The following CALCR variants were observed in gnomAD, a reference collection of about 807,000 sequenced individuals.
CALCR encodes the protein calcitonin receptor.
In CALCR, 47 loss-of-function variants were observed where a neutral mutation model predicts 59.5. The observed-to-expected ratio is 0.79, with a 90% CI of 0.63 to 1.01. CALCR has a LOEUF of 1.01. Among genes scored for constraint, CALCR ranks in the 50% least tolerant of loss-of-function variants. CALCR has a pLI of 0.00. For synonymous variants in CALCR, 213 were observed against 211.3 expected, an observed-to-expected ratio of 1.01 and a Z score of -0.07; for missense variants, 566 against 597.1, an observed-to-expected ratio of 0.95 and a Z score of 0.54.
intron 2 of CALCR, among the ~76,000 whole-genome samples, chr7:93,549,534 A>C (rs1789392570): frequency 6.6e-6 from 1 of 152,172 alleles, no homozygotes; most frequent in Non-Finnish European, 1.5e-5. Context: ...CTAAGAGATG[A>C]AGTTAATCAT....
intron 2 of CALCR, among the ~76,000 whole-genome samples, chr7:93,572,864 A>G (rs1173557593): frequency 2.0e-5 from 3 of 152,142 alleles, no homozygotes; most frequent in Non-Finnish European, 4.4e-5. Context: ...TTGTTTACTT[A>G]TTGTGTTGAT....
chr7:93,512,574 A>G (rs888595582), intron 2 of CALCR, among the ~76,000 whole-genome samples: 4 of 152,194 alleles, frequency 2.6e-5, no homozygotes, highest in Non-Finnish European at 5.9e-5. Flanking sequence ...CAACCATTTG[A>G]AGAGTATAAA....
chr7:93,486,035 C>T (rs180992884), intron 3 of CALCR, among the ~76,000 whole-genome samples: 5 of 151,664 alleles, frequency 3.3e-5, no homozygotes, highest in Admixed American at 2.0e-4. Context: ...AGGCCTATAA[C>T]TACACATTAA....
At chr7:93,458,017 A>C (rs1800243461) in intron 8 of CALCR, among the ~76,000 whole-genome samples, 1 of 152,136 alleles carries the variant, frequency 6.6e-6, no homozygotes, top group African/African-American at 2.4e-5. Flanking sequence ...AATTCCATCC[A>C]TTGCTCGGAT....
rs138332172 is a variant in CALCR at position 93,426,520 on chromosome 7, G to A, written c.1261C>T (p.Pro421Ser). 1.4e-5 allele frequency: 23 copies of A among 1,613,622 alleles called. No homozygotes were observed. The highest frequency in any genetic ancestry group is 1.9e-5 in the Non-Finnish European group (23 of 1,179,662). Residue 421 changes from proline (P) to serine (S), a missense_variant, in exon 14 of 14, where the codon CCC (proline) becomes TCC (serine). Transcript: ENST00000426151. ...GCAGCGCGAGCAGAGCGGTTGGAGGGGCGCCTCCCCCAACGCTGGTTCCAC... is the reference window on the plus strand; with the variant it reads ...GCAGCGCGAGCAGAGCGGTTGGAGGAGCGCCTCCCCCAACGCTGGTTCCAC... ...IQWNQRWGRR[P>S]SNRSARAAAA... is the part of the protein sequence containing the mutation.
rs180719891 is a variant in CALCR, at chr7:93,512,975, A to C, written c.-26-25968T>G. On this transcript the variant is annotated intron_variant, in intron 2 of 13. Coordinates refer to ENST00000426151, the MANE Select transcript of CALCR (RefSeq NM_001742.4). The stretch of plus-strand genomic sequence containing the variant: ...AAGACAGTAAAGCCTGTTATATAAC[A>C]AAACAGAATATTTAAGGTAAACCAG... Among the ~76,000 whole-genome samples, 199 of 152,308 alleles carry C rather than the reference A, an allele frequency of 1.3e-3. 1 individual carries two copies. Among genetic ancestry groups the C allele is most frequent in the African/African-American group, 4.5e-3 (186 of 41,570 alleles).
rs767350988 is a variant in CALCR at position 93,424,981 on chromosome 7, G to GGCA, written c.*1374_*1375insTGC. On this transcript the variant is annotated 3_prime_UTR_variant, in exon 14 of 14. Coordinates refer to ENST00000426151, the MANE Select transcript of CALCR (RefSeq NM_001742.4). ...CTTCTGAAAGGCAGTGGCAAAATAT[G>GGCA]ACATAGATGAGACTGGAGATTTGGA... 1.3e-5 allele frequency: 2 copies of GGCA among 152,542 alleles called. No individual in the cohort carries two copies. The highest frequency in any genetic ancestry group is 2.4e-5 in the African/African-American group (1 of 41,428). 9.4% of individuals were successfully genotyped at this position (152,542 alleles called of 1,614,324 possible).
Position 93,424,530 on chromosome 7 carries a change from A to G in CALCR, c.*1826T>C, listed in dbSNP as rs1584525649. ...TATATTTCTTTAGAAAAATATGCAA[A>G]TATACATCTTTTTGCTTTTAACGTA... is the stretch of plus-strand genomic sequence containing the variant. On this transcript the variant is annotated 3_prime_UTR_variant, in exon 14 of 14. Coordinates refer to ENST00000426151, the MANE Select transcript of CALCR (RefSeq NM_001742.4). 6.5e-6 allele frequency: 1 copy of G among 152,704 alleles called. No individual in the cohort carries two copies. The highest frequency in any genetic ancestry group is 6.5e-5 in the Admixed American group (1 of 15,292). The allele number at this position is 152,704 out of a possible 1,614,324, so 9.5% of individuals were successfully genotyped here.
intron 5 of CALCR, among the ~76,000 whole-genome samples, chr7:93,476,847 C>A (rs1341315085): frequency 2.0e-5 from 3 of 151,888 alleles, no homozygotes; most frequent in African/African-American, 4.8e-5. Flanking sequence ...TGATTTAGGG[C>A]ACAGCACAAA....
At position 93,460,693 on chromosome 7, in the gene CALCR, C is replaced by T. The variant is rs540122107; in HGVS notation, c.648+128G>A. On this transcript the variant is annotated intron_variant, in intron 8 of 13. Transcript: ENST00000426151. The stretch of plus-strand genomic sequence containing the variant: ...GATATGCCTCACAAAATGCAAAACT[C>T]GACGGTAGAAGTAAATATGATTACA... 1.1e-4 allele frequency: 60 copies of T among 539,378 alleles called. 1 individual carries two copies. Among genetic ancestry groups the T allele is most frequent in the African/African-American group, 1.0e-3 (50 of 48,676 alleles). The allele number at this position is 539,378 out of a possible 1,614,324, so 33.4% of individuals were successfully genotyped here.
chr7:93,454,541 G>A (rs569612473), intron 8 of CALCR, among the ~76,000 whole-genome samples: 2 of 151,580 alleles, frequency 1.3e-5, no homozygotes, highest in South Asian at 4.2e-4. Flanking sequence ...GCTTCCTTTA[G>A]ATGCAGCAAG....
chr7:93,498,764 T>A (rs1801262920), intron 2 of CALCR, among the ~76,000 whole-genome samples: 1 of 151,698 alleles, frequency 6.6e-6, no homozygotes, highest in Non-Finnish European at 1.5e-5. Flanking sequence ...GACTGTCATA[T>A]ATGAAGAATA....
chr7:93,514,554 G>C (rs567777250), intron 2 of CALCR, among the ~76,000 whole-genome samples: 2 of 151,968 alleles, frequency 1.3e-5, no homozygotes, highest in South Asian at 4.2e-4. Context: ...AATTATGGCA[G>C]CTCACTAAAG....
chr7:93,487,447 C>T (rs1800970474), intron 2 of CALCR, among the ~76,000 whole-genome samples: 1 of 151,322 alleles, frequency 6.6e-6, no homozygotes, highest in Non-Finnish European at 1.5e-5. Context: ...TAGTCTAAGG[C>T]CAACTCTAAA....
intron 9 of CALCR, 38 bp from the exon 10 acceptor site, chr7:93,438,308 T>A: frequency 6.6e-7 from 1 of 1,518,572 alleles, no homozygotes; most frequent in Middle Eastern, 1.7e-4. Context: ...CTTGGTTTCT[T>A]GGTCATAACC....
At chr7:93,474,031 T>G (rs1286211324) in intron 5 of CALCR, among the ~76,000 whole-genome samples, 1 of 151,752 alleles carries the variant, frequency 6.6e-6, no homozygotes. Context: ...CCATAGCAAC[T>G]ACAATAATTT....
At chr7:93,529,095 A>C (rs1484030488) in intron 2 of CALCR, among the ~76,000 whole-genome samples, 1 of 152,176 alleles carries the variant, frequency 6.6e-6, no homozygotes, top group African/African-American at 2.4e-5. Flanking sequence ...ATGTTGATAT[A>C]GTTTGTATAT....
intron 2 of CALCR, among the ~76,000 whole-genome samples, chr7:93,562,559 T>C (rs928241491): frequency 6.6e-6 from 1 of 152,174 alleles, no homozygotes; most frequent in East Asian, 1.9e-4. Context: ...TATTTTCAGG[T>C]GTCCTGGACA....
intron 2 of CALCR, among the ~76,000 whole-genome samples, chr7:93,553,210 G>T (rs1789511063): frequency 6.6e-6 from 1 of 152,166 alleles, no homozygotes; most frequent in South Asian, 2.1e-4. Flanking sequence ...TTGTCATTCT[G>T]TGGAAGACAG....
Sources: allele counts gnomAD v4.1 joint callset (sites outside exome capture counted in the v4.1 genomes callset), GRCh38; gene constraint gnomAD v4.1.1; transcripts MANE v1.5; gene names NCBI Gene and HGNC (gene_info 2026-07-23, HGNC 2026-07-21).